The following NLK variants were observed in gnomAD, a reference collection of about 807,000 sequenced individuals.
NLK encodes nemo like kinase.
NLK carries 11 observed loss-of-function variants against 59.0 expected under a neutral mutation model. The observed-to-expected ratio is 0.19, with a 90% CI of 0.12 to 0.31. NLK has a LOEUF of 0.31. Ranked by LOEUF, NLK falls within the 10% of genes least tolerant of loss-of-function variation. NLK has a pLI of 1.00. For synonymous variants in NLK, 235 were observed against 235.9 expected (o/e 1.00, Z 0.03); for missense variants, 410 against 661.1 (o/e 0.62, Z 4.16).
rs1359478287 is a variant in NLK at position 28,091,500 on chromosome 17, C to CAT, written c.459-31097_459-31096dup. On this transcript the variant is annotated intron_variant, in intron 1 of 10. Transcript: ENST00000407008. ...TTATATATATATATATACACACACA[C>CAT]ATATATAAAATCATTGATATGAAAA... Among the ~76,000 whole-genome samples the CAT allele has an allele frequency of 6.6e-5, 10 of 151,122 alleles. No homozygotes were observed. The East Asian group carries it at 9.7e-4, about 15-fold the overall frequency.
chr17:28,187,701 A>T (rs1190072105), intron 8 of NLK, among the ~76,000 whole-genome samples: 1 of 152,084 alleles, frequency 6.6e-6, no homozygotes, highest in Non-Finnish European at 1.5e-5. Context: ...TAGTAAGCCC[A>T]TTTTTCTGGG....
At chr17:28,168,111 G>T (rs1908314449) in intron 5 of NLK, among the ~76,000 whole-genome samples, 2 of 151,580 alleles carry the variant, frequency 1.3e-5, no homozygotes, top group African/African-American at 4.8e-5. Flanking sequence ...GATCACCTGA[G>T]GTCAGGAGTT....
At chr17:28,143,779 C>G (rs1907114531) in intron 3 of NLK, among the ~76,000 whole-genome samples, 1 of 152,168 alleles carries the variant, frequency 6.6e-6, no homozygotes, top group African/African-American at 2.4e-5. Flanking sequence ...CTCTAGATGG[C>G]AAAAGCTTTT....
chr17:28,043,173 G>GCAGGCTCCTGGA lies in NLK; in HGVS notation c.302_313dup (p.Gln101_Gly104dup). The GCAGGCTCCTGGA allele has an allele frequency of 6.2e-7, 1 of 1,613,872 alleles. No homozygotes were observed. On this transcript the variant is annotated inframe_insertion, in exon 1 of 11. Transcript: ENST00000407008. The stretch of plus-strand genomic sequence containing the variant: ...CATATTTCCCATCACCGGCACCGGG[G>GCAGGCTCCTGGA]CAGGCTCCTGGACCAGCTGCAGCAG...
At chr17:28,045,990 T>C (rs1009826566) in intron 1 of NLK, among the ~76,000 whole-genome samples, 1 of 152,228 alleles carries the variant, frequency 6.6e-6, no homozygotes, top group Non-Finnish European at 1.5e-5. Flanking sequence ...TTCAAACATA[T>C]ATTCATTTAA....
chr17:28,074,827 G>C lies in NLK; in HGVS notation c.458+31496G>C, dbSNP rs562571305. Among the ~76,000 whole-genome samples, 3 of 152,282 alleles carry C rather than the reference G, an allele frequency of 2.0e-5. No homozygotes were observed. The South Asian group carries it at 6.2e-4, about 32-fold the overall frequency. On this transcript the variant is annotated intron_variant, in intron 1 of 10. Coordinates refer to ENST00000407008, the MANE Select transcript of NLK (RefSeq NM_016231.5). The stretch of plus-strand genomic sequence containing the variant: ...GGAAAGCAACTAGTGTAGCGGTTGG[G>C]ATGACTTAACAATAGAGGGAAGGCA...
intron 1 of NLK, among the ~76,000 whole-genome samples, chr17:28,058,282 C>T (rs944167261): frequency 2.0e-5 from 3 of 152,148 alleles, no homozygotes; most frequent in Admixed American, 6.5e-5. Flanking sequence ...ATAGGGACAC[C>T]GTAATGTTTA....
chr17:28,110,225 A>C (rs2142801775), intron 1 of NLK, among the ~76,000 whole-genome samples: 1 of 152,204 alleles, frequency 6.6e-6, no homozygotes, highest in South Asian at 2.1e-4. Flanking sequence ...GCTTATATAT[A>C]TATATCTTGG....
At chr17:28,068,995 A>T (rs908554800) in intron 1 of NLK, among the ~76,000 whole-genome samples, 2 of 152,098 alleles carry the variant, frequency 1.3e-5, no homozygotes, top group African/African-American at 4.8e-5. Context: ...ATGTGTTTCT[A>T]CTATAGTAAG....
intron 3 of NLK, among the ~76,000 whole-genome samples, chr17:28,141,447 C>T (rs1906989086): frequency 6.6e-6 from 1 of 152,210 alleles, no homozygotes; most frequent in Non-Finnish European, 1.5e-5. Flanking sequence ...GCCCTCCATT[C>T]AAAATGCTGT....
At chr17:28,083,829 T>C (rs1910425567) in intron 1 of NLK, among the ~76,000 whole-genome samples, 1 of 152,206 alleles carries the variant, frequency 6.6e-6, no homozygotes, top group South Asian at 2.1e-4. Flanking sequence ...GAAAATTCTT[T>C]GTATGACCCT....
rs550364654 is a variant in NLK at position 28,050,944 on chromosome 17, A to G, written c.458+7613A>G. 7.2e-5 allele frequency among the ~76,000 whole-genome samples: 11 copies of G among 152,120 alleles called. No homozygotes were observed. The East Asian group carries it at 1.9e-3, about 27-fold the overall frequency. On this transcript the variant is annotated intron_variant, in intron 1 of 10. Transcript: ENST00000407008. Reference sequence around the variant, plus strand: ...ACATAGTGAAATCTCATCTCCACTAAAAGTACAGAAAAAAAAAATTAGCCT... The same window carrying G: ...ACATAGTGAAATCTCATCTCCACTAGAAGTACAGAAAAAAAAAATTAGCCT...
chr17:28,078,394 A>G (rs1567707795), intron 1 of NLK, among the ~76,000 whole-genome samples: 1 of 152,196 alleles, frequency 6.6e-6, no homozygotes, highest in Admixed American at 6.5e-5. Flanking sequence ...GGTTTACAGC[A>G]AAATTTGGGA....
At chr17:28,170,816 G>T (rs2142056371) in intron 6 of NLK, among the ~76,000 whole-genome samples, 1 of 152,352 alleles carries the variant, frequency 6.6e-6, no homozygotes, top group Non-Finnish European at 1.5e-5. Context: ...CTGGAGTTCA[G>T]ATATCCCTTT....
intron 2 of NLK, among the ~76,000 whole-genome samples, chr17:28,128,550 T>A (rs1906382955): frequency 6.6e-6 from 1 of 152,120 alleles, no homozygotes; most frequent in Non-Finnish European, 1.5e-5. Context: ...GGATAACATA[T>A]CAAAGTGTTC....
At position 28,043,129 on chromosome 17, in the gene NLK, A is replaced by T; in HGVS notation, c.256A>T (p.Asn86Tyr). ...AAAAAAAAML[N>Y]PGQQQPYFPS... ...AGCGGCTGCAGCTGCAGCCATGTTA[A>T]ACCCTGGGCAACAACAGCCATATTT... is the stretch of plus-strand genomic sequence containing the variant. Residue 86 changes from asparagine (N) to tyrosine (Y), a missense_variant, in exon 1 of 11, where the codon AAC (asparagine) becomes TAC (tyrosine). Coordinates refer to ENST00000407008, the MANE Select transcript of NLK (RefSeq NM_016231.5). The T allele has an allele frequency of 6.2e-7, 1 of 1,608,518 alleles. No homozygotes were observed. The highest frequency in any genetic ancestry group is 8.5e-7 in the Non-Finnish European group (1 of 1,177,252).
At chr17:28,132,562 G>A in intron 2 of NLK, 58 bp from the exon 3 acceptor site, 1 of 1,321,048 alleles carries the variant, frequency 7.6e-7, no homozygotes. Context: ...TTGCATTTAT[G>A]TCGAATTTTG....
intron 1 of NLK, among the ~76,000 whole-genome samples, chr17:28,093,535 A>G (rs1904586006): frequency 6.6e-6 from 1 of 152,316 alleles, no homozygotes; most frequent in East Asian, 1.9e-4. Flanking sequence ...ATGGTGGGAA[A>G]GCTTTGTAAT....
At chr17:28,142,069 A>G (rs994838687) in intron 3 of NLK, among the ~76,000 whole-genome samples, 6 of 152,202 alleles carry the variant, frequency 3.9e-5, no homozygotes, top group African/African-American at 1.4e-4. Flanking sequence ...GCTGAAGTTT[A>G]AAATAACATC....
Sources: gnomAD v4.1 joint callset for allele counts (sites outside exome capture counted in the v4.1 genomes callset) on GRCh38, gnomAD v4.1.1 for gene constraint, MANE v1.5 for transcripts, NCBI Gene and HGNC (gene_info 2026-07-23, HGNC 2026-07-21) for gene names.